Variants in CRTAC1 observed in about 807,000 individuals in gnomAD.
CRTAC1 encodes acidic secreted protein in cartilage.
Under a neutral mutation model 67.8 loss-of-function variants are expected in CRTAC1, and 37 were observed. The observed-to-expected ratio is 0.55, with a 90% confidence interval of 0.42 to 0.72. The LOEUF (loss-of-function observed/expected upper bound fraction) is 0.72, where lower values mean the gene tolerates loss of function less well. Among genes scored for constraint, CRTAC1 ranks in the 30% least tolerant of loss-of-function variants. The pLI, the probability that CRTAC1 is intolerant of heterozygous loss-of-function variation, is 0.00. For synonymous variants in CRTAC1, 348 were observed against 371.0 expected, an observed-to-expected ratio of 0.94 and a Z score of 0.71; for missense variants, 780 against 931.6, an observed-to-expected ratio of 0.84 and a Z score of 2.12.
chr10:97,888,010 A>G (rs2050312000), intron 11 of CRTAC1, among the ~76,000 whole-genome samples: 1 of 152,244 alleles, frequency 6.6e-6, no homozygotes, highest in Non-Finnish European at 1.5e-5. Flanking sequence ...TAGAGATGAG[A>G]AGGTGGAGCC....
chr10:98,012,654 G>A (rs941519137), intron 1 of CRTAC1, among the ~76,000 whole-genome samples: 1 of 152,176 alleles, frequency 6.6e-6, no homozygotes. Context: ...GCCGGCAAAT[G>A]AGCTTGCTGT....
intron 2 of CRTAC1, among the ~76,000 whole-genome samples, chr10:97,961,259 T>C (rs564087826): frequency 6.6e-6 from 1 of 152,108 alleles, no homozygotes; most frequent in South Asian, 2.1e-4. Flanking sequence ...TCTATCTTCT[T>C]TCTCTCTTAA....
chr10:98,006,616 C>T (rs181401638), intron 2 of CRTAC1, among the ~76,000 whole-genome samples: 1 of 152,060 alleles, frequency 6.6e-6, no homozygotes, highest in African/African-American at 2.4e-5. Flanking sequence ...ACGAGGACAC[C>T]GAAAAAGCAA....
intron 11 of CRTAC1, among the ~76,000 whole-genome samples, chr10:97,891,694 C>T (rs1014780622): frequency 1.3e-4 from 20 of 152,214 alleles, no homozygotes; most frequent in Admixed American, 3.3e-4. Flanking sequence ...CCTGTTCTCG[C>T]ACCCCCATGT....
chr10:97,916,409 C>G (rs1437582381), intron 5 of CRTAC1, among the ~76,000 whole-genome samples: 1 of 152,150 alleles, frequency 6.6e-6, no homozygotes, highest in Non-Finnish European at 1.5e-5. Flanking sequence ...GTCATTTGTT[C>G]CCACAAACTT....
intron 11 of CRTAC1, among the ~76,000 whole-genome samples, chr10:97,889,227 T>G (rs1188210882): frequency 5.3e-5 from 8 of 151,790 alleles, no homozygotes; most frequent in Non-Finnish European, 1.5e-5. Flanking sequence ...ATGATTGGTG[T>G]TGTTTTTATT....
At chr10:97,896,847 A>AC in intron 9 of CRTAC1, 62 bp downstream of exon 9, 1 of 397,256 alleles carries the variant, frequency 2.5e-6, no homozygotes, top group Non-Finnish European at 4.4e-6. Context: ...TCCCGCCCTC[A>AC]CCCCAGTGTA....
chr10:97,875,591 T>G (rs2050138020), intron 14 of CRTAC1, among the ~76,000 whole-genome samples: 1 of 152,198 alleles, frequency 6.6e-6, no homozygotes, highest in South Asian at 2.1e-4. Context: ...GGTTCTGGCC[T>G]CAGAGAAGAC....
chr10:97,921,558 G>A (rs758381841), intron 4 of CRTAC1, among the ~76,000 whole-genome samples: 5 of 152,168 alleles, frequency 3.3e-5, no homozygotes, highest in Non-Finnish European at 7.3e-5. Context: ...TCAGTAGGAC[G>A]AGGCAGCTAA....
chr10:97,967,316 C>T (rs1048326155), intron 2 of CRTAC1, among the ~76,000 whole-genome samples: 5 of 152,124 alleles, frequency 3.3e-5, no homozygotes, highest in Non-Finnish European at 7.3e-5. Context: ...TTGATTCATC[C>T]CATCATGGCG....
chr10:97,946,234 T>G (rs1271061564), intron 2 of CRTAC1, among the ~76,000 whole-genome samples: 1 of 152,236 alleles, frequency 6.6e-6, no homozygotes, highest in Non-Finnish European at 1.5e-5. Flanking sequence ...GTGAACTAGT[T>G]GAGAAATGTA....
intron 3 of CRTAC1, among the ~76,000 whole-genome samples, chr10:97,925,857 G>A (rs750992762): frequency 1.3e-4 from 20 of 152,244 alleles, no homozygotes; most frequent in Admixed American, 5.2e-4. Flanking sequence ...GGTAAGAAGC[G>A]TGTGTAAGTG....
At chr10:97,873,410 C>T (rs2050113753) in intron 14 of CRTAC1, among the ~76,000 whole-genome samples, 1 of 152,234 alleles carries the variant, frequency 6.6e-6, no homozygotes, top group African/African-American at 2.4e-5. Context: ...CTCCCTCTTT[C>T]TTCTGTGTCA....
intron 2 of CRTAC1, among the ~76,000 whole-genome samples, chr10:97,936,960 G>A (rs916946768): frequency 3.9e-5 from 6 of 152,136 alleles, no homozygotes; most frequent in Non-Finnish European, 8.8e-5. Flanking sequence ...ATGAGCCCTG[G>A]AGGAGCAGGA....
At chr10:97,993,759 G>T (rs139306440) in intron 2 of CRTAC1, among the ~76,000 whole-genome samples, 28 of 152,184 alleles carry the variant, frequency 1.8e-4, no homozygotes, top group African/African-American at 6.5e-4. Flanking sequence ...GTAGGTGCAC[G>T]GATGAAAAAG....
chr10:97,882,297 C>A (rs1215366074), intron 13 of CRTAC1, among the ~76,000 whole-genome samples: 3 of 152,218 alleles, frequency 2.0e-5, no homozygotes, highest in African/African-American at 7.2e-5. Flanking sequence ...CAAGGAGCTG[C>A]CATCCTGGTA....
intron 5 of CRTAC1, among the ~76,000 whole-genome samples, chr10:97,913,563 T>C (rs2050718987): frequency 6.6e-6 from 1 of 152,220 alleles, no homozygotes; most frequent in South Asian, 2.1e-4. Context: ...ACATTTCAAT[T>C]CTATAACATA....
intron 1 of CRTAC1, among the ~76,000 whole-genome samples, chr10:98,025,593 G>A (rs1162246614): frequency 6.6e-6 from 1 of 152,152 alleles, no homozygotes; most frequent in Non-Finnish European, 1.5e-5. Flanking sequence ...ATGGTCTGGG[G>A]TGTGTTTGGT....
chr10:97,946,641 G>A (rs1479158509), intron 2 of CRTAC1, among the ~76,000 whole-genome samples: 1 of 152,172 alleles, frequency 6.6e-6, no homozygotes, highest in Non-Finnish European at 1.5e-5. Flanking sequence ...AGAAGTGCCA[G>A]GAAGGATAAG....
Sources: allele counts gnomAD v4.1 joint callset (sites outside exome capture counted in the v4.1 genomes callset), GRCh38; gene constraint gnomAD v4.1.1; transcripts MANE v1.5; gene names NCBI Gene and HGNC (gene_info 2026-07-23, HGNC 2026-07-21).